RIOX2: variants seen among roughly 807,000 people sequenced by gnomAD.
RIOX2 encodes 60S ribosomal protein L27a histidine hydroxylase.
Under a neutral mutation model 51.2 loss-of-function variants are expected in RIOX2, and 43 were observed. The observed-to-expected ratio is 0.84, with a 90% CI of 0.66 to 1.08. RIOX2 has a LOEUF of 1.08. Among genes scored for constraint, RIOX2 ranks in the 50% least tolerant of loss-of-function variants. The probability of loss-of-function intolerance (pLI) is 0.00; values close to 1 mark genes in which losing one functional copy is unlikely to be tolerated. For missense variants in RIOX2, 566 were observed against 561.7 expected (o/e 1.01, Z -0.08); for synonymous variants, 226 against 218.5 (o/e 1.03, Z -0.30).
At position 97,944,675 on chromosome 3, in the gene RIOX2, C is replaced by T. The variant is rs1466982645; in HGVS notation, c.*509G>A. ...CCTTTTGTCCATAGGTGTTGCGTGCCTCTCATCTGTGGGGAAGTATTATTT... is the reference window on the plus strand; with the variant it reads ...CCTTTTGTCCATAGGTGTTGCGTGCTTCTCATCTGTGGGGAAGTATTATTT... On this transcript the variant is annotated 3_prime_UTR_variant, in exon 10 of 10. Coordinates refer to ENST00000394198, the MANE Select transcript of RIOX2 (RefSeq NM_153182.4). The T allele has an allele frequency of 1.3e-5, 2 of 152,238 alleles. No homozygotes were observed. Among genetic ancestry groups the T allele is most frequent in the Admixed American group, 1.3e-4 (2 of 15,196 alleles). The allele number at this position is 152,238 out of a possible 1,614,324, so 9.4% of individuals were successfully genotyped here.
chr3:97,957,495 T>TAAAAA (rs35134649), intron 4 of RIOX2, among the ~76,000 whole-genome samples: 1 of 131,174 alleles, frequency 7.6e-6, no homozygotes, highest in Non-Finnish European at 1.6e-5. Context: ...GACTCTGTCT[T>TAAAAA]AAAAAAAAAA....
intron 7 of RIOX2, among the ~76,000 whole-genome samples, chr3:97,948,936 A>G: frequency 6.6e-6 from 1 of 152,194 alleles, no homozygotes; most frequent in South Asian, 2.1e-4. Context: ...CATCAATGAC[A>G]TCATCCATCC....
intron 4 of RIOX2, among the ~76,000 whole-genome samples, chr3:97,958,585 C>T (rs1705543092): frequency 1.3e-5 from 2 of 152,132 alleles, no homozygotes; most frequent in African/African-American, 4.8e-5. Context: ...TGACATATAA[C>T]CAGGATGAAA....
intron 7 of RIOX2, among the ~76,000 whole-genome samples, chr3:97,948,898 A>C (rs892711239): frequency 6.6e-6 from 1 of 152,176 alleles, no homozygotes; most frequent in Non-Finnish European, 1.5e-5. Context: ...TCTTTGCTAT[A>C]GGATACTGAC....
At chr3:97,946,774 C>T (rs774479640) in intron 8 of RIOX2, among the ~76,000 whole-genome samples, 2 of 151,672 alleles carry the variant, frequency 1.3e-5, no homozygotes, top group Non-Finnish European at 2.9e-5. Context: ...GGTATGAGAT[C>T]GTTCCAAGGT....
In RIOX2 at chr3:97,944,974, A is replaced by AT; in HGVS notation, c.*209dup. ...AAACTTGTCAAAATATGGTTTTGTC[A>AT]TTTTCTGAGACACTTGGTAATTTGC... On this transcript the variant is annotated 3_prime_UTR_variant, in exon 10 of 10. Coordinates refer to ENST00000394198, the MANE Select transcript of RIOX2 (RefSeq NM_153182.4). 1 of 394,900 alleles carries AT rather than the reference A, an allele frequency of 2.5e-6. No individual in the cohort carries two copies. Among genetic ancestry groups the AT allele is most frequent in the African/African-American group, 2.1e-5 (1 of 48,126 alleles). The allele number at this position is 394,900 out of a possible 1,614,324, so 24.5% of individuals were successfully genotyped here. A position where few individuals can be genotyped will look rare whatever the true frequency, so the allele number is the denominator to read the frequency against.
chr3:97,964,155 G>T (rs1248046747), intron 2 of RIOX2, among the ~76,000 whole-genome samples: 1 of 152,170 alleles, frequency 6.6e-6, no homozygotes, highest in African/African-American at 2.4e-5. Flanking sequence ...CCGGCTGGCT[G>T]TGACCTCCTC....
At chr3:97,945,417 T>C in intron 9 of RIOX2, 75 bp from the exon 10 acceptor site, 2 of 1,300,900 alleles carry the variant, frequency 1.5e-6, no homozygotes, top group Non-Finnish European at 2.1e-6. Context: ...CCTGTAAATT[T>C]ATTCTCCATA....
Position 97,967,146 on chromosome 3 carries a change from T to C in RIOX2, c.432+16A>G, listed in dbSNP as rs1705918794. ...TTTAAAATGTATGAGGATTCTGCAA[T>C]GGGGAAACTGGTTACCTTAAATCTC... is the stretch of plus-strand genomic sequence containing the variant. On this transcript the variant is annotated intron_variant, in intron 2 of 9. Transcript: ENST00000394198. 2 of 1,606,048 alleles carry C rather than the reference T, an allele frequency of 1.2e-6. No individual in the cohort carries two copies. Among genetic ancestry groups the C allele is most frequent in the East Asian group, 2.2e-5 (1 of 44,874 alleles).
chr3:97,954,519 T>C lies in RIOX2; in HGVS notation c.682-24A>G. ...GGCTAAAGGAAGGAATAGGAAAGGG[T>C]AGAGAAGTTAATAAGTATTCCTTCT... On this transcript the variant is annotated intron_variant, in intron 4 of 9. Coordinates refer to ENST00000394198, the MANE Select transcript of RIOX2 (RefSeq NM_153182.4). 8 of 1,584,122 alleles carry C rather than the reference T, an allele frequency of 5.1e-6. 1 individual carries two copies. Among genetic ancestry groups the C allele is most frequent in the Middle Eastern group, 3.4e-4 (2 of 5,964 alleles).
chr3:97,945,717 A>C, intron 9 of RIOX2, 81 bp downstream of exon 9: 1 of 1,080,524 alleles, frequency 9.3e-7, no homozygotes, highest in Non-Finnish European at 1.4e-6. Context: ...AAAGCATATT[A>C]CCTGTAAATC....
intron 7 of RIOX2, among the ~76,000 whole-genome samples, chr3:97,947,668 GATAA>G (rs1160188561): frequency 2.0e-5 from 3 of 152,290 alleles, no homozygotes; most frequent in Non-Finnish European, 4.4e-5. Flanking sequence ...GACAGACATA[GATAA>G]ATAATGTAAG....
chr3:97,968,456 C>G (rs1705988642), intron 1 of RIOX2, among the ~76,000 whole-genome samples: 1 of 152,208 alleles, frequency 6.6e-6, no homozygotes, highest in Non-Finnish European at 1.5e-5. Context: ...ACACAGATCA[C>G]CTTAGCATCT....
At chr3:97,964,196 C>G (rs183560218) in intron 2 of RIOX2, among the ~76,000 whole-genome samples, 38 of 152,284 alleles carry the variant, frequency 2.5e-4, no homozygotes, top group African/African-American at 9.1e-4. Flanking sequence ...AGAATCAAAA[C>G]TCAACGCCAT....
chr3:97,970,999 A>G (rs1029602110), intron 1 of RIOX2, among the ~76,000 whole-genome samples: 2 of 152,182 alleles, frequency 1.3e-5, no homozygotes, highest in Non-Finnish European at 2.9e-5. Flanking sequence ...AATTTTTCAC[A>G]TTTTCATCTT....
At position 97,959,271 on chromosome 3, in the gene RIOX2, T is replaced by G. The variant is rs995293585; in HGVS notation, c.553-92A>C. The stretch of plus-strand genomic sequence containing the variant: ...GACTATTAGCCCTCTAAGGGGCTAA[T>G]AGACAAATATATAGGTGAACCTTGA... On this transcript the variant is annotated intron_variant, in intron 3 of 9. Coordinates refer to ENST00000394198, the MANE Select transcript of RIOX2 (RefSeq NM_153182.4). 35 of 1,142,784 alleles carry G rather than the reference T, an allele frequency of 3.1e-5. No individual in the cohort carries two copies. In the East Asian group the frequency reaches 9.7e-4, roughly 32 times the overall value. 70.8% of individuals were successfully genotyped at this position (1,142,784 alleles called of 1,614,324 possible).
chr3:97,947,540 A>G (rs1183695405), intron 7 of RIOX2, 91 bp from the exon 8 acceptor site: 2 of 955,360 alleles, frequency 2.1e-6, no homozygotes, highest in Non-Finnish European at 1.7e-6. Flanking sequence ...AAACACATTT[A>G]CTAACAATTT....
At chr3:97,970,044 T>A (rs932889821) in intron 1 of RIOX2, among the ~76,000 whole-genome samples, 1 of 152,172 alleles carries the variant, frequency 6.6e-6, no homozygotes, top group Non-Finnish European at 1.5e-5. Flanking sequence ...CTCTCACAAT[T>A]GGTCAGTTTA....
rs2040304274 is a variant in RIOX2, at chr3:97,944,459, G to A, written c.*725C>T. The A allele has an allele frequency of 6.6e-6, 1 of 152,246 alleles. No individual in the cohort carries two copies. Among genetic ancestry groups the A allele is most frequent in the Non-Finnish European group, 1.5e-5 (1 of 67,868 alleles). The allele number at this position is 152,246 out of a possible 1,614,324, so 9.4% of individuals were successfully genotyped here. On this transcript the variant is annotated 3_prime_UTR_variant, in exon 10 of 10. Transcript: ENST00000394198. ...CAGAAAAATGCTCTATTTTTATAAA[G>A]AAAGATTAAATTCTCCAATGATATT...
Sources: gnomAD v4.1 joint callset for allele counts (sites outside exome capture counted in the v4.1 genomes callset) on GRCh38, gnomAD v4.1.1 for gene constraint, MANE v1.5 for transcripts, NCBI Gene and HGNC (gene_info 2026-07-23, HGNC 2026-07-21) for gene names.